The following MAGI1 variants were observed in gnomAD, a reference collection of about 807,000 sequenced individuals.
MAGI1 encodes membrane-associated guanylate kinase, WW and PDZ domain-containing protein 1.
A neutral mutation model predicts 139.9 loss-of-function variants in MAGI1; 58 were observed. The observed-to-expected ratio is 0.41, with a 90% CI of 0.34 to 0.52. The LOEUF is 0.52. Among genes scored for constraint, MAGI1 ranks in the 20% least tolerant of loss-of-function variants. The pLI is 0.12. For missense variants in MAGI1, 1,874 were observed against 1,901.6 expected (o/e 0.99, Z 0.27); for synonymous variants, 812 against 737.9 (o/e 1.10, Z -1.63).
At chr3:65,638,596 G>A (rs1024296690) in intron 1 of MAGI1, among the ~76,000 whole-genome samples, 1 of 69,176 alleles carries the variant, frequency 1.4e-5, no homozygotes, top group Non-Finnish European at 3.0e-5. Context: ...ATGCTCTCCT[G>A]ATTTTTTTTT....
intron 5 of MAGI1, among the ~76,000 whole-genome samples, chr3:65,460,417 T>C (rs1413243648): frequency 6.6e-6 from 1 of 152,224 alleles, no homozygotes; most frequent in Non-Finnish European, 1.5e-5. Context: ...GTAGAAATAG[T>C]GTAATAGTTC....
rs57605824 is a variant in MAGI1 at position 65,744,606 on chromosome 3, G to C, written c.314-122518C>G. Among the ~76,000 whole-genome samples, 662 of 152,200 alleles carry C rather than the reference G, an allele frequency of 4.3e-3. 5 individuals carry two copies. Among genetic ancestry groups the C allele is most frequent in the African/African-American group, 0.015 (635 of 41,524 alleles). On this transcript the variant is annotated intron_variant, in intron 1 of 22. Transcript: ENST00000402939. ...AGAAGACTGAATTAAAGAAGATATA[G>C]ACTGATTTTATAGAAGATATAGACT...
chr3:65,750,103 T>C (rs1576995175), intron 1 of MAGI1, among the ~76,000 whole-genome samples: 1 of 152,056 alleles, frequency 6.6e-6, no homozygotes, highest in South Asian at 2.1e-4. Flanking sequence ...TGGGACACAT[T>C]CTGCAAATTA....
At chr3:65,516,299 C>A (rs1004624198) in intron 2 of MAGI1, among the ~76,000 whole-genome samples, 2 of 152,060 alleles carry the variant, frequency 1.3e-5, no homozygotes, top group Non-Finnish European at 2.9e-5. Flanking sequence ...CCTGCCTCAG[C>A]CTCCCAAGTA....
chr3:65,931,872 G>C (rs961657412), intron 1 of MAGI1, among the ~76,000 whole-genome samples: 3 of 152,104 alleles, frequency 2.0e-5, no homozygotes, highest in Non-Finnish European at 4.4e-5. Flanking sequence ...ACTGTGACTA[G>C]AGAAGGGTAA....
At chr3:65,801,195 G>A (rs2040491191) in intron 1 of MAGI1, among the ~76,000 whole-genome samples, 1 of 152,140 alleles carries the variant, frequency 6.6e-6, no homozygotes, top group Non-Finnish European at 1.5e-5. Flanking sequence ...AAATAAAATA[G>A]GAAGTCAAGA....
intron 1 of MAGI1, among the ~76,000 whole-genome samples, chr3:65,851,486 C>T (rs754059177): frequency 4.1e-4 from 62 of 152,210 alleles, no homozygotes; most frequent in Non-Finnish European, 5.1e-4. Flanking sequence ...CGGTGGCTCA[C>T]GCCTCTAATC....
intron 12 of MAGI1, among the ~76,000 whole-genome samples, chr3:65,418,044 A>G (rs2107252717): frequency 6.6e-6 from 1 of 152,294 alleles, no homozygotes; most frequent in Admixed American, 6.5e-5. Flanking sequence ...GTACCTACTC[A>G]GTAGAGACCA....
intron 1 of MAGI1, among the ~76,000 whole-genome samples, chr3:65,721,667 C>G (rs2033039569): frequency 6.6e-6 from 1 of 152,116 alleles, no homozygotes; most frequent in Admixed American, 6.5e-5. Flanking sequence ...GTCATTTACA[C>G]AGAAATGTAA....
At chr3:65,684,260 T>C in intron 1 of MAGI1, among the ~76,000 whole-genome samples, 1 of 151,740 alleles carries the variant, frequency 6.6e-6, no homozygotes, top group Non-Finnish European at 1.5e-5. Context: ...AAGGAAAATT[T>C]AAATTAAAAA....
rs1169448180 is a variant in MAGI1, at chr3:65,880,028, A to G, written c.313+157968T>C. Reference sequence around the variant, plus strand: ...GTAATCCCAGCACTTTGGGAGGCCGAAGCAGGAGTTCAAGACCAGCCTGGG... The same window carrying G: ...GTAATCCCAGCACTTTGGGAGGCCGGAGCAGGAGTTCAAGACCAGCCTGGG... On this transcript the variant is annotated intron_variant, in intron 1 of 22. Transcript: ENST00000402939. Among the ~76,000 whole-genome samples, 3 of 152,176 alleles carry G rather than the reference A, an allele frequency of 2.0e-5. No individual in the cohort carries two copies. In the East Asian group the frequency reaches 5.8e-4, roughly 29 times the overall value.
chr3:65,824,316 T>C (rs1219710948), intron 1 of MAGI1, among the ~76,000 whole-genome samples: 10 of 152,180 alleles, frequency 6.6e-5, no homozygotes, highest in Admixed American at 6.5e-4. Flanking sequence ...ATAGTAGGGC[T>C]TGCTTTCACA....
chr3:65,646,138 C>T (rs1214747877), intron 1 of MAGI1, among the ~76,000 whole-genome samples: 2 of 151,948 alleles, frequency 1.3e-5, no homozygotes, highest in Non-Finnish European at 2.9e-5. Context: ...CATAACCCAA[C>T]TATATTATGT....
intron 1 of MAGI1, among the ~76,000 whole-genome samples, chr3:65,907,265 T>C (rs1203333392): frequency 6.6e-6 from 1 of 152,202 alleles, no homozygotes; most frequent in African/African-American, 2.4e-5. Context: ...TTTATTAACA[T>C]ATATGTTATT....
chr3:65,821,947 G>T (rs951694083), intron 1 of MAGI1, among the ~76,000 whole-genome samples: 1 of 152,178 alleles, frequency 6.6e-6, no homozygotes, highest in African/African-American at 2.4e-5. Flanking sequence ...CACATTTCAA[G>T]ATGACCATTT....
intron 1 of MAGI1, among the ~76,000 whole-genome samples, chr3:65,979,953 A>G (rs2065480825): frequency 6.6e-6 from 1 of 152,196 alleles, no homozygotes. Flanking sequence ...ACTGGCCTCT[A>G]GAGTGGGTCA....
At chr3:65,723,395 C>T (rs1322483915) in intron 1 of MAGI1, among the ~76,000 whole-genome samples, 1 of 152,104 alleles carries the variant, frequency 6.6e-6, no homozygotes, top group Non-Finnish European at 1.5e-5. Flanking sequence ...AAGAGTTTCC[C>T]CACCCCAAAG....
intron 2 of MAGI1, among the ~76,000 whole-genome samples, chr3:65,496,424 A>T (rs889436883): frequency 3.3e-5 from 5 of 152,122 alleles, no homozygotes; most frequent in Non-Finnish European, 7.4e-5. Flanking sequence ...GAATAGAAGC[A>T]GGGGGACCAG....
chr3:65,498,584 T>TACC (rs1298562182), intron 2 of MAGI1, among the ~76,000 whole-genome samples: 1 of 152,184 alleles, frequency 6.6e-6, no homozygotes, highest in African/African-American at 2.4e-5. Context: ...GGATTATTAT[T>TACC]ACCCTCATTT....
Sources: gnomAD v4.1 joint callset for allele counts (sites outside exome capture counted in the v4.1 genomes callset) on GRCh38, gnomAD v4.1.1 for gene constraint, MANE v1.5 for transcripts, NCBI Gene and HGNC (gene_info 2026-07-23, HGNC 2026-07-21) for gene names.